The following KCTD2 variants were observed in gnomAD, a reference collection of about 807,000 sequenced individuals.
The protein encoded by KCTD2 is potassium channel tetramerization domain containing 2.
In KCTD2, 18 loss-of-function variants were observed where a neutral mutation model predicts 27.9. That is an observed-to-expected ratio of 0.64 (90% CI 0.45 to 0.96). The LOEUF (loss-of-function observed/expected upper bound fraction) is 0.96. Ranked by LOEUF, KCTD2 falls within the 40% of genes least tolerant of loss-of-function variation. The pLI is 0.00. For synonymous variants in KCTD2, 175 were observed against 148.4 expected (o/e 1.18, Z -1.30); for missense variants, 280 against 348.0 (o/e 0.80, Z 1.56).
At chr17:75,050,605 C>G (rs931466589) in intron 2 of KCTD2, among the ~76,000 whole-genome samples, 4 of 152,142 alleles carry the variant, frequency 2.6e-5, no homozygotes, top group African/African-American at 9.7e-5. Context: ...ATAAGCACAT[C>G]ATGGAGAATG....
upstream of KCTD2, chr17:75,042,649 AT>A: frequency 6.3e-7 from 1 of 1,598,278 alleles, no homozygotes; most frequent in Non-Finnish European, 8.5e-7. Flanking sequence ...TCGCCCAGCC[AT>A]TTTGGGATCC....
At chr17:75,058,203 A>C (rs923485941) in intron 3 of KCTD2, among the ~76,000 whole-genome samples, 3 of 152,134 alleles carry the variant, frequency 2.0e-5, no homozygotes, top group Non-Finnish European at 2.9e-5. Context: ...GGGCGGCTGT[A>C]ATCCCAGCTA....
chr17:75,039,797 C>G (rs2073139304), intron 3 of KCTD2: 2 of 410,556 alleles, frequency 4.9e-6, no homozygotes, highest in African/African-American at 2.0e-5. Flanking sequence ...AGGTATCCAC[C>G]TGTGAAACCA....
At chr17:75,039,646 A>C (rs754036751) in intron 3 of KCTD2, 2 of 282,220 alleles carry the variant, frequency 7.1e-6, no homozygotes, top group Non-Finnish European at 1.3e-5. Flanking sequence ...CAGTGCTTTC[A>C]AGCAAATAAT....
At chr17:75,051,888 G>A (rs186743576) in intron 2 of KCTD2, among the ~76,000 whole-genome samples, 274 of 152,184 alleles carry the variant, frequency 1.8e-3, no homozygotes, top group African/African-American at 6.1e-3. Flanking sequence ...AGGATCACAC[G>A]TCTCATAGTT....
At chr17:75,043,884 C>T (rs906941544), upstream of KCTD2, among the ~76,000 whole-genome samples, 2 of 151,900 alleles carry the variant, frequency 1.3e-5, no homozygotes, top group Middle Eastern at 3.2e-3. Flanking sequence ...AAAAGTGTCA[C>T]ATGAAATTGT....
At chr17:75,049,524 G>C (rs1312008418) in intron 2 of KCTD2, among the ~76,000 whole-genome samples, 196 bp downstream of exon 2, 2 of 152,220 alleles carry the variant, frequency 1.3e-5, no homozygotes, top group African/African-American at 2.4e-5. Flanking sequence ...GCTTTGTTCA[G>C]CTTCCTGGGT....
chr17:75,050,976 C>CTTT (rs1448198731), intron 2 of KCTD2, among the ~76,000 whole-genome samples: 2 of 137,350 alleles, frequency 1.5e-5, no homozygotes, highest in Non-Finnish European at 1.6e-5. Flanking sequence ...TCATGCCCAG[C>CTTT]TTTTTTTTTT....
chr17:75,035,169 G>GT (rs1344997496), intron 2 of KCTD2: 2 of 152,028 alleles, frequency 1.3e-5, no homozygotes, highest in Admixed American at 6.5e-5. Context: ...TTGAGGGTTC[G>GT]AGTCCCTTCG....
At chr17:75,035,999 G>A (rs2040111508) in intron 3 of KCTD2, 2 of 452,572 alleles carry the variant, frequency 4.4e-6, no homozygotes, top group Non-Finnish European at 4.4e-6. Context: ...GTGTCAGGAT[G>A]CATGTGTGTG....
intron 2 of KCTD2, among the ~76,000 whole-genome samples, chr17:75,050,270 G>A (rs921295832): frequency 1.3e-5 from 2 of 151,708 alleles, no homozygotes; most frequent in Admixed American, 6.6e-5. Flanking sequence ...ATATTTATGG[G>A]GTACATGAGA....
At chr17:75,055,899 C>T (rs1054433879) in intron 3 of KCTD2, among the ~76,000 whole-genome samples, 3 of 151,106 alleles carry the variant, frequency 2.0e-5, no homozygotes, top group Non-Finnish European at 2.9e-5. Context: ...AGTGTGGTAG[C>T]GGGCGCCTAT....
In KCTD2 at chr17:75,063,408, G is replaced by A. The variant is rs940795049; in HGVS notation, c.*361G>A. 2.8e-5 allele frequency: 8 copies of A among 284,992 alleles called. No individual in the cohort carries two copies. Among genetic ancestry groups the A allele is most frequent in the Admixed American group, 8.6e-5 (2 of 23,150 alleles). The allele number at this position is 284,992 out of a possible 1,614,324, so 17.7% of individuals were successfully genotyped here. ...TGGAAATGGCCTGTACTTTAAGGAC[G>A]CTGGAGCCAAGAGGATTGTTCCCGT... On this transcript the variant is annotated 3_prime_UTR_variant, in exon 6 of 6. Coordinates refer to ENST00000322444, the MANE Select transcript of KCTD2 (RefSeq NM_015353.3).
intron 3 of KCTD2, among the ~76,000 whole-genome samples, chr17:75,058,663 G>A (rs948588801): frequency 6.6e-6 from 1 of 152,156 alleles, no homozygotes; most frequent in African/African-American, 2.4e-5. Flanking sequence ...GCCAGGCTTA[G>A]CGGCAGGCGC....
chr17:75,034,048 C>G (rs1411946791), exon 2 of KCTD2: 1 of 152,150 alleles, frequency 6.6e-6, no homozygotes, highest in Admixed American at 6.5e-5. Context: ...CTGGAATCGA[C>G]CTTGGTCTCT....
At chr17:75,060,431 C>A (rs1041427077) in intron 4 of KCTD2, 2 of 1,597,254 alleles carry the variant, frequency 1.3e-6, no homozygotes, top group Non-Finnish European at 1.7e-6. Context: ...TTCAAAAAGC[C>A]AAAAAAGTCC....
intron 2 of KCTD2, among the ~76,000 whole-genome samples, 154 bp downstream of exon 2, chr17:75,049,482 T>C (rs937446678): frequency 2.6e-5 from 4 of 152,234 alleles, no homozygotes; most frequent in Admixed American, 1.3e-4. Context: ...CAGTCTTGTC[T>C]GAGGGAGTCA....
At chr17:75,062,448 T>C (rs190340407) in intron 5 of KCTD2, among the ~76,000 whole-genome samples, 2 of 152,142 alleles carry the variant, frequency 1.3e-5, no homozygotes, top group Non-Finnish European at 2.9e-5. Flanking sequence ...TTAGAAAATA[T>C]GAACCTAAAA....
intron 3 of KCTD2, 151 bp downstream of exon 3, chr17:75,053,256 A>G (rs2073310154): frequency 3.1e-6 from 2 of 640,776 alleles, no homozygotes; most frequent in East Asian, 2.8e-5. Context: ...GCCAAACTGC[A>G]CAGGAGAAAA....
Sources: gnomAD v4.1 joint callset for allele counts (sites outside exome capture counted in the v4.1 genomes callset) on GRCh38, gnomAD v4.1.1 for gene constraint, MANE v1.5 for transcripts, NCBI Gene and HGNC (gene_info 2026-07-23, HGNC 2026-07-21) for gene names.